SGCZ: variants seen among roughly 807,000 people sequenced by gnomAD.
The protein encoded by SGCZ is sarcoglycan zeta.
Under a neutral mutation model 41.3 loss-of-function variants are expected in SGCZ, and 40 were observed. The observed-to-expected ratio is 0.97, with a 90% CI of 0.75 to 1.26. SGCZ has a LOEUF of 1.26. SGCZ is among the 50% of genes most tolerant of loss of function. The pLI is 0.00. For synonymous variants in SGCZ, 206 were observed against 137.5 expected (o/e 1.50, Z -3.49); for missense variants, 552 against 369.8 (o/e 1.49, Z -4.04).
chr8:14,479,731 CTTTTTTTTTTTTTTTT>C (rs529812029), intron 2 of SGCZ, among the ~76,000 whole-genome samples: 3 of 52,976 alleles, frequency 5.7e-5, no homozygotes, highest in African/African-American at 1.5e-4. Flanking sequence ...AATTCTACTT[CTTTTTTTTTTTTTTTT>C]TTTTTTTTTT....
At chr8:14,464,712 C>G (rs971354701) in intron 2 of SGCZ, among the ~76,000 whole-genome samples, 5 of 150,952 alleles carry the variant, frequency 3.3e-5, no homozygotes, top group African/African-American at 1.2e-4. Context: ...CATATTTTGT[C>G]TTTTAAACAT....
At chr8:15,037,153 C>G (rs1367393808) in intron 1 of SGCZ, among the ~76,000 whole-genome samples, 1 of 152,234 alleles carries the variant, frequency 6.6e-6, no homozygotes, top group African/African-American at 2.4e-5. Context: ...CAAATCTCAT[C>G]ATGAATTGTA....
At position 14,309,760 on chromosome 8, in the gene SGCZ, A is replaced by G. The variant is rs1236529700; in HGVS notation, c.336+14343T>C. 5.8e-6 allele frequency: 9 copies of G among 1,555,790 alleles called. No homozygotes were observed. In the Admixed American group the frequency reaches 1.7e-4, roughly 29 times the overall value. ...GAACCAAAGCCTCTTCAAAAAGCAG[A>G]GTGGACTGCATTTAAATTTCATTTC... On this transcript the variant is annotated intron_variant, in intron 3 of 7. Coordinates refer to ENST00000382080, the MANE Select transcript of SGCZ (RefSeq NM_139167.4).
chr8:14,442,027 C>T lies in SGCZ; in HGVS notation c.234+112705G>A, dbSNP rs1024916430. 5.3e-5 allele frequency among the ~76,000 whole-genome samples: 8 copies of T among 152,236 alleles called. No individual in the cohort carries two copies. The East Asian group carries it at 1.3e-3, about 26-fold the overall frequency. On this transcript the variant is annotated intron_variant, in intron 2 of 7. Coordinates refer to ENST00000382080, the MANE Select transcript of SGCZ (RefSeq NM_139167.4). ...ATACATTCCCCTGCTGGGGATAACA[C>T]TGAGTAAACTGCCCAAGGCCATAAC...
intron 1 of SGCZ, among the ~76,000 whole-genome samples, chr8:14,867,995 C>A (rs1299112717): frequency 6.6e-6 from 1 of 151,710 alleles, no homozygotes; most frequent in Non-Finnish European, 1.5e-5. Context: ...ATGCAAAATT[C>A]CACATGATTG....
intron 2 of SGCZ, among the ~76,000 whole-genome samples, chr8:14,417,747 C>G (rs1484964091): frequency 1.3e-5 from 2 of 151,570 alleles, no homozygotes; most frequent in African/African-American, 4.8e-5. Context: ...AAAAAGGTAA[C>G]TATGTAAGGT....
At chr8:14,293,939 A>G (rs1262177804) in intron 3 of SGCZ, among the ~76,000 whole-genome samples, 1 of 151,796 alleles carries the variant, frequency 6.6e-6, no homozygotes, top group Admixed American at 6.6e-5. Context: ...AGTGGTATCA[A>G]GTCAAGACAT....
In SGCZ at chr8:14,602,582, G is replaced by A. The variant is rs182144805; in HGVS notation, c.40-47656C>T. 1.1e-3 allele frequency among the ~76,000 whole-genome samples: 164 copies of A among 152,190 alleles called. 3 individuals carry two copies. Among genetic ancestry groups the A allele is most frequent in the Non-Finnish European group, 1.5e-5 (1 of 68,020 alleles). ...AAATTAATGCACATATCAATGAATA[G>A]CCTAAATAATTCACATAGGTTTTGT... On this transcript the variant is annotated intron_variant, in intron 1 of 7. Coordinates refer to ENST00000382080, the MANE Select transcript of SGCZ (RefSeq NM_139167.4).
intron 1 of SGCZ, among the ~76,000 whole-genome samples, chr8:15,182,822 T>G (rs1800217479): frequency 6.6e-6 from 1 of 152,252 alleles, no homozygotes; most frequent in African/African-American, 2.4e-5. Flanking sequence ...GTTATAATTT[T>G]TTAAACTTTT....
chr8:14,497,085 A>T (rs1035113025), intron 2 of SGCZ, among the ~76,000 whole-genome samples: 1 of 152,186 alleles, frequency 6.6e-6, no homozygotes, highest in Non-Finnish European at 1.5e-5. Flanking sequence ...TAGCCTCCTT[A>T]TGAAGACATC....
chr8:14,897,070 C>A (rs572108956), intron 1 of SGCZ, among the ~76,000 whole-genome samples: 1 of 152,150 alleles, frequency 6.6e-6, no homozygotes, highest in Non-Finnish European at 1.5e-5. Flanking sequence ...GCGTGAGCCA[C>A]CGTGCCTGGC....
At chr8:14,600,919 A>G (rs558532431) in intron 1 of SGCZ, among the ~76,000 whole-genome samples, 83 of 151,922 alleles carry the variant, frequency 5.5e-4, no homozygotes, top group African/African-American at 1.9e-3. Context: ...GATCAACTTA[A>G]CCTCAAAGTA....
intron 2 of SGCZ, among the ~76,000 whole-genome samples, chr8:14,346,297 C>T (rs1487896038): frequency 6.6e-6 from 1 of 151,998 alleles, no homozygotes; most frequent in African/African-American, 2.4e-5. Context: ...AAAAATTCTA[C>T]TGTAGTATTT....
At chr8:15,097,871 T>C (rs5029604) in intron 1 of SGCZ, among the ~76,000 whole-genome samples, 6 of 13,764 alleles carry the variant, frequency 4.4e-4, no homozygotes, top group Admixed American at 1.1e-3. Context: ...TGTGTGTATA[T>C]ATATATATAT....
At chr8:14,720,260 T>C (rs1227877148) in intron 1 of SGCZ, among the ~76,000 whole-genome samples, 1 of 151,684 alleles carries the variant, frequency 6.6e-6, no homozygotes, top group South Asian at 2.1e-4. Flanking sequence ...AAATGAACGA[T>C]GCCCACTGAA....
At chr8:14,595,428 CA>C (rs1358940993) in intron 1 of SGCZ, among the ~76,000 whole-genome samples, 1 of 151,490 alleles carries the variant, frequency 6.6e-6, no homozygotes, top group African/African-American at 2.4e-5. Context: ...CACACACACA[CA>C]CACACACACA....
intron 4 of SGCZ, among the ~76,000 whole-genome samples, chr8:14,201,599 G>A (rs760449767): frequency 3.8e-4 from 58 of 152,134 alleles, no homozygotes; most frequent in East Asian, 9.6e-4. Context: ...AGATAAAACC[G>A]TAGATCTAGA....
intron 1 of SGCZ, among the ~76,000 whole-genome samples, chr8:14,691,037 T>C (rs10503512): frequency 0.4 from 60,248 of 152,048 alleles, 14,236 homozygotes; most frequent in Non-Finnish European, 0.54. Flanking sequence ...AAGGAATCAA[T>C]AAGTTAATAA....
chr8:14,539,493 G>A (rs1430334831), intron 2 of SGCZ, among the ~76,000 whole-genome samples: 1 of 151,836 alleles, frequency 6.6e-6, no homozygotes, highest in Non-Finnish European at 1.5e-5. Context: ...GATTGGTGGG[G>A]TTCTCCAGCA....
Sources: allele counts gnomAD v4.1 joint callset (sites outside exome capture counted in the v4.1 genomes callset), GRCh38; gene constraint gnomAD v4.1.1; transcripts MANE v1.5; gene names NCBI Gene and HGNC (gene_info 2026-07-23, HGNC 2026-07-21).